KHDRBS2: variants seen among roughly 807,000 people sequenced by gnomAD.
KHDRBS2 encodes KH RNA binding domain containing, signal transduction associated 2.
KHDRBS2 carries 26 observed loss-of-function variants against 44.3 expected under a neutral mutation model. The observed-to-expected ratio is 0.59, with a 90% confidence interval of 0.43 to 0.81. The LOEUF is 0.81. Among genes scored for constraint, KHDRBS2 ranks in the 40% least tolerant of loss-of-function variants. The pLI is 0.00. For synonymous variants in KHDRBS2, 194 were observed against 151.1 expected (o/e 1.28, Z -2.08); for missense variants, 476 against 433.1 (o/e 1.10, Z -0.88).
chr6:61,577,046 T>A, the KHDRBS2 span, among the ~76,000 whole-genome samples: 7 of 152,248 alleles, frequency 4.6e-5, no homozygotes, highest in Admixed American at 2.0e-4. Context: ...GTGGGTAGAA[T>A]CTTATGTAAT....
chr6:61,868,012 C>T (rs1012607285), intron 6 of KHDRBS2, among the ~76,000 whole-genome samples: 1 of 152,152 alleles, frequency 6.6e-6, no homozygotes, highest in African/African-American at 2.4e-5. Context: ...CCCTTCAGCC[C>T]TGATCAGCTT....
At chr6:61,914,657 A>T (rs1806669077) in intron 4 of KHDRBS2, among the ~76,000 whole-genome samples, 1 of 152,148 alleles carries the variant, frequency 6.6e-6, no homozygotes, top group Non-Finnish European at 1.5e-5. Flanking sequence ...TTAAAGTATA[A>T]TAATAATACT....
At chr6:61,647,443 T>C in the KHDRBS2 span, among the ~76,000 whole-genome samples, 2 of 152,118 alleles carry the variant, frequency 1.3e-5, no homozygotes, top group Non-Finnish European at 2.9e-5. Flanking sequence ...TCTATAATTG[T>C]AGATAATTAT....
intron 4 of KHDRBS2, among the ~76,000 whole-genome samples, chr6:61,945,109 A>ATGTATATATATAT (rs1256689275): frequency 5.5e-5 from 2 of 36,584 alleles, no homozygotes; most frequent in Non-Finnish European, 1.0e-4. Flanking sequence ...AAAAAAAAAA[A>ATGTATATATATAT]AAAGTATATA....
chr6:61,918,903 C>T (rs1284179339), intron 4 of KHDRBS2, among the ~76,000 whole-genome samples: 2 of 151,822 alleles, frequency 1.3e-5, no homozygotes, highest in Non-Finnish European at 2.9e-5. Flanking sequence ...ATTAGATAGG[C>T]TGCTTTTTAG....
At chr6:61,955,015 T>C (rs1420026124) in intron 4 of KHDRBS2, among the ~76,000 whole-genome samples, 1 of 143,596 alleles carries the variant, frequency 7.0e-6, no homozygotes, top group Admixed American at 6.9e-5. Context: ...TATGTATGTA[T>C]ACACACATAC....
chr6:62,161,565 G>T (rs1312197598), intron 2 of KHDRBS2, among the ~76,000 whole-genome samples: 3 of 59,394 alleles, frequency 5.1e-5, no homozygotes, highest in Non-Finnish European at 1.1e-4. Flanking sequence ...CGAGAATTTT[G>T]GTATTTGCGG....
At chr6:62,247,006 T>C (rs1390976823) in intron 1 of KHDRBS2, among the ~76,000 whole-genome samples, 1 of 152,004 alleles carries the variant, frequency 6.6e-6, no homozygotes, top group Non-Finnish European at 1.5e-5. Flanking sequence ...TCAAGGCTAT[T>C]TGTTCAATTT....
chr6:61,815,531 G>T (rs113027022), intron 6 of KHDRBS2, among the ~76,000 whole-genome samples: 1 of 152,114 alleles, frequency 6.6e-6, no homozygotes, highest in Non-Finnish European at 1.5e-5. Context: ...TATTTAAAAT[G>T]ATCTGGTGAC....
At chr6:61,978,026 C>A in intron 4 of KHDRBS2, 40 bp downstream of exon 4, 2 of 1,520,770 alleles carry the variant, frequency 1.3e-6, no homozygotes, top group Non-Finnish European at 1.8e-6. Flanking sequence ...AAAATAGAAG[C>A]TGATAAGAAA....
the KHDRBS2 span, among the ~76,000 whole-genome samples, chr6:61,543,211 C>T: frequency 1.3e-5 from 2 of 151,806 alleles, no homozygotes; most frequent in East Asian, 1.9e-4. Context: ...GCAAACTATC[C>T]ATCTGACAAG....
the KHDRBS2 span, among the ~76,000 whole-genome samples, chr6:61,629,800 G>A: frequency 1.3e-5 from 2 of 152,180 alleles, no homozygotes; most frequent in Admixed American, 6.5e-5. Context: ...TAAAGATGAA[G>A]TGAATAGTGA....
chr6:62,089,526 C>G (rs1011075406), intron 2 of KHDRBS2, among the ~76,000 whole-genome samples: 5 of 152,084 alleles, frequency 3.3e-5, no homozygotes, highest in African/African-American at 1.2e-4. Flanking sequence ...GATGCCCCAC[C>G]CTCCTTCTGC....
intron 4 of KHDRBS2, among the ~76,000 whole-genome samples, chr6:61,918,451 G>T (rs9351540): frequency 6.6e-6 from 1 of 151,810 alleles, no homozygotes; most frequent in African/African-American, 2.4e-5. Flanking sequence ...GTTAGGAAGG[G>T]GACCCTCATG....
At chr6:62,222,940 G>A (rs1037193445) in intron 1 of KHDRBS2, among the ~76,000 whole-genome samples, 1 of 152,162 alleles carries the variant, frequency 6.6e-6, no homozygotes, top group Non-Finnish European at 1.5e-5. Context: ...TTGAGTGTCT[G>A]TGGCTTTTCC....
At chr6:62,010,426 C>T (rs561656999) in intron 3 of KHDRBS2, among the ~76,000 whole-genome samples, 21 of 152,214 alleles carry the variant, frequency 1.4e-4, no homozygotes, top group African/African-American at 4.8e-4. Context: ...TGAGTTAATG[C>T]TGAAAAGAGT....
chr6:61,687,044 C>A (rs1001584337), intron 8 of KHDRBS2, among the ~76,000 whole-genome samples: 4 of 151,646 alleles, frequency 2.6e-5, no homozygotes, highest in African/African-American at 9.7e-5. Flanking sequence ...TGGAAATTTG[C>A]AACTCAATGG....
rs1351826858 is a variant in KHDRBS2, at chr6:61,986,101, A to G, written c.337-7889T>C. On this transcript the variant is annotated intron_variant, in intron 3 of 8. Transcript: ENST00000281156. ...TATTTATTATCTGTGATGTTTGAAG[A>G]AAGTTGTTTAATTTTTAAGCTTTAG... 2.6e-5 allele frequency among the ~76,000 whole-genome samples: 4 copies of G among 152,182 alleles called. No homozygotes were observed. The East Asian group carries it at 7.7e-4, about 29-fold the overall frequency.
the KHDRBS2 span, among the ~76,000 whole-genome samples, chr6:61,588,595 C>A: frequency 6.6e-6 from 1 of 152,046 alleles, no homozygotes; most frequent in Non-Finnish European, 1.5e-5. Context: ...TCAACCTGGG[C>A]AACATAGTGA....
Sources: gnomAD v4.1 joint callset for allele counts (sites outside exome capture counted in the v4.1 genomes callset) on GRCh38, gnomAD v4.1.1 for gene constraint, MANE v1.5 for transcripts, NCBI Gene and HGNC (gene_info 2026-07-23, HGNC 2026-07-21) for gene names.